BFAR: variants seen among roughly 807,000 people sequenced by gnomAD.
BFAR encodes the protein bifunctional apoptosis regulator, also known as RING finger protein 47.
Under a neutral mutation model 54.4 loss-of-function variants are expected in BFAR, and 52 were observed. The ratio of observed to expected loss-of-function variants is 0.96; its 90% CI spans 0.77 to 1.21. The LOEUF is 1.21. Among genes scored for constraint, BFAR ranks in the 50% most tolerant of loss-of-function variants. The pLI is 0.00. For missense variants in BFAR, 571 were observed against 534.0 expected (o/e 1.07, Z -0.68); for synonymous variants, 215 against 204.3 (o/e 1.05, Z -0.45).
intron 2 of BFAR, among the ~76,000 whole-genome samples, chr16:14,646,937 A>G (rs1959814406): frequency 6.6e-6 from 1 of 151,562 alleles, no homozygotes; most frequent in South Asian, 2.1e-4. Context: ...ATTTTTTTAA[A>G]TACTTTTTTT....
At chr16:14,658,541 C>T (rs1490452532) in intron 5 of BFAR, among the ~76,000 whole-genome samples, 1 of 152,056 alleles carries the variant, frequency 6.6e-6, no homozygotes, top group African/African-American at 2.4e-5. Context: ...TCCATCCTGG[C>T]TAACACAGTG....
At chr16:14,665,540 G>A (rs922026425) in intron 7 of BFAR, among the ~76,000 whole-genome samples, 1 of 152,174 alleles carries the variant, frequency 6.6e-6, no homozygotes, top group African/African-American at 2.4e-5. Flanking sequence ...GGATGGTAGC[G>A]AGACAAGATG....
At chr16:14,653,628 G>T (rs541779613) in intron 4 of BFAR, among the ~76,000 whole-genome samples, 3 of 152,038 alleles carry the variant, frequency 2.0e-5, no homozygotes, top group Non-Finnish European at 4.4e-5. Flanking sequence ...CCCCCAGCCA[G>T]AATTTGTGTT....
Position 14,668,005 on chromosome 16 carries a change from C to T in BFAR, c.*178C>T. On this transcript the variant is annotated 3_prime_UTR_variant, in exon 8 of 8. Transcript: ENST00000261658. ...CCCCTCAGCCTGTGGGTGGCACGAG[C>T]AAGGACTGACATCCGCACAGGGAGG... 2 of 632,710 alleles carry T rather than the reference C, an allele frequency of 3.2e-6. No individual in the cohort carries two copies. The highest frequency in any genetic ancestry group is 4.3e-5 in the South Asian group (2 of 46,686). The allele number at this position is 632,710 out of a possible 1,614,324, so 39.2% of individuals were successfully genotyped here.
intron 1 of BFAR, among the ~76,000 whole-genome samples, chr16:14,641,214 A>C (rs1959615696): frequency 6.6e-6 from 1 of 152,192 alleles, no homozygotes; most frequent in Admixed American, 6.6e-5. Flanking sequence ...CACCAGGGGT[A>C]GGAATAGAAT....
At chr16:14,657,820 GGC>G (rs2151842497) in intron 5 of BFAR, among the ~76,000 whole-genome samples, 1 of 152,328 alleles carries the variant, frequency 6.6e-6, no homozygotes, top group Non-Finnish European at 1.5e-5. Context: ...TGGGATTACA[GGC>G]GTGAGCCACT....
At chr16:14,633,116 C>G (rs1330175109) in intron 1 of BFAR, 98 bp downstream of exon 1, 1 of 152,316 alleles carries the variant, frequency 6.6e-6, no homozygotes, top group Admixed American at 6.5e-5. Context: ...TCTGCGGAGC[C>G]TCCCCAGCCG....
chr16:14,640,237 G>C (rs1004075844), intron 1 of BFAR, among the ~76,000 whole-genome samples: 1 of 152,062 alleles, frequency 6.6e-6, no homozygotes, highest in Non-Finnish European at 1.5e-5. Context: ...AAGCCAAGCT[G>C]CCTAGAAACA....
chr16:14,652,306 G>A (rs925365982), intron 4 of BFAR, among the ~76,000 whole-genome samples: 29 of 151,080 alleles, frequency 1.9e-4, no homozygotes, highest in African/African-American at 6.6e-4. Flanking sequence ...TTGAGATGGA[G>A]TCTTACTCTG....
intron 1 of BFAR, among the ~76,000 whole-genome samples, chr16:14,639,325 T>TC (rs1959551089): frequency 6.6e-6 from 1 of 151,940 alleles, no homozygotes; most frequent in Non-Finnish European, 1.5e-5. Context: ...TTTTTTTTTT[T>TC]CAGACAGAGT....
rs764178283 is a variant in BFAR, at chr16:14,667,638, C to T, written c.1164C>T (p.Thr388=). ...GCCTCTTCTCTTCTTGTTTCAGGAC[C>T]GTGCCTCAGAGGATGTGGAGCCATT... ...WRIWSRSELK[T]VPQRMWSHFW... Residue 388 remains threonine (T), a synonymous_variant, in exon 8 of 8, where the codon ACC becomes ACT. Transcript: ENST00000261658. 18 of 1,613,314 alleles carry T rather than the reference C, an allele frequency of 1.1e-5. No individual in the cohort carries two copies. Among genetic ancestry groups the T allele is most frequent in the South Asian group, 2.2e-5 (2 of 91,044 alleles).
chr16:14,634,663 TA>T (rs1959376754), intron 1 of BFAR, among the ~76,000 whole-genome samples: 1 of 152,176 alleles, frequency 6.6e-6, no homozygotes, highest in Non-Finnish European at 1.5e-5. Flanking sequence ...CGCTGTCTCT[TA>T]AAAAAATTTT....
chr16:14,639,544 G>A (rs1959558513), intron 1 of BFAR, among the ~76,000 whole-genome samples: 1 of 152,094 alleles, frequency 6.6e-6, no homozygotes, highest in Non-Finnish European at 1.5e-5. Flanking sequence ...CTAACCTCAG[G>A]TGATCCGCCC....
chr16:14,636,226 A>AAAGT (rs1359479901), intron 1 of BFAR, among the ~76,000 whole-genome samples: 3 of 152,170 alleles, frequency 2.0e-5, no homozygotes, highest in African/African-American at 7.2e-5. Flanking sequence ...AAAAAGACAC[A>AAAGT]AAGTATAGAG....
In BFAR at chr16:14,668,069, C is replaced by G; in HGVS notation, c.*242C>G. 1 of 527,582 alleles carries G rather than the reference C, an allele frequency of 1.9e-6. No individual in the cohort carries two copies. The highest frequency in any genetic ancestry group is 3.4e-6 in the Non-Finnish European group (1 of 297,984). 32.7% of individuals were successfully genotyped at this position (527,582 alleles called of 1,614,324 possible). A position where few individuals can be genotyped will look rare whatever the true frequency, so the allele number is the denominator to read the frequency against. ...CTGACACAGCAGCAGCCCTTCCCAC[C>G]CAGCCACCTTCCTCACAGGGACTAG... On this transcript the variant is annotated 3_prime_UTR_variant, in exon 8 of 8. Transcript: ENST00000261658.
intron 1 of BFAR, among the ~76,000 whole-genome samples, chr16:14,635,571 G>T (rs150967234): frequency 1.3e-5 from 2 of 151,994 alleles, no homozygotes; most frequent in African/African-American, 4.8e-5. Context: ...TTCTCAGCCC[G>T]CCTTCGTCTT....
chr16:14,652,021 G>A lies in BFAR; in HGVS notation c.638+2048G>A, dbSNP rs537312467. ...CCTGCCTCAGCCTCCCGAGTAGCTG[G>A]CACTGCAAGTGCCTGCCACCACGCC... On this transcript the variant is annotated intron_variant, in intron 4 of 7. Coordinates refer to ENST00000261658, the MANE Select transcript of BFAR (RefSeq NM_016561.3). Among the ~76,000 whole-genome samples the A allele has an allele frequency of 9.2e-4, 139 of 151,548 alleles. 2 individuals are homozygous for A. Among genetic ancestry groups the A allele is most frequent in the Admixed American group, 1.2e-3 (18 of 15,156 alleles).
At chr16:14,639,956 C>T (rs1401963193) in intron 1 of BFAR, among the ~76,000 whole-genome samples, 1 of 151,836 alleles carries the variant, frequency 6.6e-6, no homozygotes, top group Non-Finnish European at 1.5e-5. Flanking sequence ...TTTAGGAGTT[C>T]GAGATCAGCC....
intron 4 of BFAR, among the ~76,000 whole-genome samples, chr16:14,652,625 G>T (rs567475100): frequency 7.5e-4 from 114 of 152,146 alleles, no homozygotes; most frequent in Non-Finnish European, 1.3e-3. Flanking sequence ...ATGTGATATT[G>T]AAAGTGACAT....
Sources: gnomAD v4.1 joint callset for allele counts (sites outside exome capture counted in the v4.1 genomes callset) on GRCh38, gnomAD v4.1.1 for gene constraint, MANE v1.5 for transcripts, NCBI Gene and HGNC (gene_info 2026-07-23, HGNC 2026-07-21) for gene names.